Variants in MCTP1 observed in about 807,000 individuals in gnomAD.
The protein encoded by MCTP1 is multiple C2 and transmembrane domain-containing protein 1.
MCTP1 carries 69 observed loss-of-function variants against 120.6 expected under a neutral mutation model. That is an observed-to-expected ratio of 0.57 (90% CI 0.47 to 0.70). MCTP1 has a LOEUF of 0.70. MCTP1 is among the 30% of genes least tolerant of loss of function. The pLI is 0.00. For synonymous variants in MCTP1, 529 were observed against 493.1 expected (o/e 1.07, Z -0.96); for missense variants, 1,203 against 1,248.8 (o/e 0.96, Z 0.55).
At chr5:95,083,297 C>A (rs566949532) in intron 1 of MCTP1, among the ~76,000 whole-genome samples, 3 of 152,244 alleles carry the variant, frequency 2.0e-5, no homozygotes, top group Middle Eastern at 3.4e-3. Context: ...TAATGATCTT[C>A]CATGTATAAC....
intron 1 of MCTP1, among the ~76,000 whole-genome samples, chr5:95,271,361 G>T (rs748075939): frequency 2.0e-5 from 3 of 152,050 alleles, no homozygotes; most frequent in Non-Finnish European, 4.4e-5. Context: ...TCCTAATTCA[G>T]TTATTCACCA....
chr5:95,178,782 A>G (rs959025220), intron 1 of MCTP1, among the ~76,000 whole-genome samples: 8 of 152,158 alleles, frequency 5.3e-5, no homozygotes, highest in African/African-American at 1.9e-4. Flanking sequence ...TAACATCCCC[A>G]AAAGACCACA....
chr5:94,931,918 C>T (rs1267287574), intron 6 of MCTP1, 35 bp downstream of exon 6: 1 of 1,556,612 alleles, frequency 6.4e-7, no homozygotes, highest in South Asian at 1.1e-5. Context: ...TTCTGCTCAA[C>T]AAGAAAAGCT....
chr5:95,177,291 T>C (rs1323258472), intron 1 of MCTP1, among the ~76,000 whole-genome samples: 1 of 152,112 alleles, frequency 6.6e-6, no homozygotes, highest in Non-Finnish European at 1.5e-5. Context: ...GGCAGAGCTG[T>C]AGGGAAGACT....
chr5:94,919,611 C>T lies in MCTP1; in HGVS notation c.1273-1638G>A, dbSNP rs143444563. Among the ~76,000 whole-genome samples the T allele has an allele frequency of 2.0e-5, 3 of 152,306 alleles. No homozygotes were observed. In the East Asian group the frequency reaches 5.8e-4, roughly 29 times the overall value. ...AATCAGCTCTTTCTTCTATTTTCAGCACAGGGTGCATGTGCTTTTATTTAA... is the reference window on the plus strand; with the variant it reads ...AATCAGCTCTTTCTTCTATTTTCAGTACAGGGTGCATGTGCTTTTATTTAA... On this transcript the variant is annotated intron_variant, in intron 7 of 22. Transcript: ENST00000515393.
At chr5:94,721,355 A>G (rs1185657395) in intron 19 of MCTP1, among the ~76,000 whole-genome samples, 1 of 152,218 alleles carries the variant, frequency 6.6e-6, no homozygotes, top group Non-Finnish European at 1.5e-5. Context: ...AATTTTTAAT[A>G]GCCACTTTAA....
intron 1 of MCTP1, among the ~76,000 whole-genome samples, chr5:95,254,505 G>C (rs570124731): frequency 2.0e-5 from 3 of 152,022 alleles, no homozygotes; most frequent in African/African-American, 7.2e-5. Flanking sequence ...AGTTAATAAG[G>C]CATTCCGTCT....
At chr5:95,076,529 T>A (rs942400736) in intron 1 of MCTP1, among the ~76,000 whole-genome samples, 1 of 151,984 alleles carries the variant, frequency 6.6e-6, no homozygotes, top group Non-Finnish European at 1.5e-5. Context: ...GAGTCCTTCA[T>A]TGACGAATGT....
chr5:95,110,237 C>G (rs142404103), intron 1 of MCTP1, among the ~76,000 whole-genome samples: 44 of 151,742 alleles, frequency 2.9e-4, no homozygotes, highest in African/African-American at 9.9e-4. Flanking sequence ...ACCTACTTAC[C>G]CACTCTTTTT....
At chr5:95,015,870 G>C (rs1267166948) in intron 2 of MCTP1, among the ~76,000 whole-genome samples, 1 of 151,964 alleles carries the variant, frequency 6.6e-6, no homozygotes, top group Non-Finnish European at 1.5e-5. Context: ...TCAAATTGCT[G>C]GGGGCATATG....
At chr5:95,174,903 A>G (rs972143056) in intron 1 of MCTP1, among the ~76,000 whole-genome samples, 2 of 152,198 alleles carry the variant, frequency 1.3e-5, no homozygotes, top group African/African-American at 4.8e-5. Context: ...TTCTTCTTAC[A>G]TAATGTTAGC....
chr5:95,249,890 A>G (rs1396547330), intron 1 of MCTP1, among the ~76,000 whole-genome samples: 1 of 152,200 alleles, frequency 6.6e-6, no homozygotes, highest in East Asian at 1.9e-4. Flanking sequence ...CATCAATCTA[A>G]GCAAACTATC....
intron 1 of MCTP1, among the ~76,000 whole-genome samples, chr5:95,239,774 T>C (rs1029159152): frequency 5.3e-5 from 8 of 152,206 alleles, no homozygotes; most frequent in African/African-American, 1.9e-4. Flanking sequence ...TTTTGATAGT[T>C]GATTAGGACA....
At chr5:95,167,868 T>C (rs1746636885) in intron 1 of MCTP1, among the ~76,000 whole-genome samples, 2 of 152,238 alleles carry the variant, frequency 1.3e-5, no homozygotes, top group African/African-American at 4.8e-5. Context: ...CTGATGGTAG[T>C]TTCTTTTGCT....
intron 1 of MCTP1, among the ~76,000 whole-genome samples, chr5:95,241,899 C>G (rs192543816): frequency 6.6e-6 from 1 of 151,732 alleles, no homozygotes; most frequent in South Asian, 2.1e-4. Context: ...AAGTTACATG[C>G]TTTCCAAAAA....
chr5:94,894,632 G>A lies in MCTP1; in HGVS notation c.1839+17C>T. 8 of 1,536,370 alleles carry A rather than the reference G, an allele frequency of 5.2e-6. No homozygotes were observed. Among genetic ancestry groups the A allele is most frequent in the African/African-American group, 2.7e-5 (2 of 73,932 alleles). ...TAGTCACATGTGTCTCTGGAAGGAG[G>A]AGGGTTACATACGTACATATCTCTT... is the stretch of plus-strand genomic sequence containing the variant. On this transcript the variant is annotated intron_variant, in intron 11 of 22. Transcript: ENST00000515393.
chr5:94,852,291 A>C (rs1017067448), intron 17 of MCTP1, among the ~76,000 whole-genome samples: 13 of 151,880 alleles, frequency 8.6e-5, no homozygotes, highest in Non-Finnish European at 1.3e-4. Flanking sequence ...AAATGTTTAG[A>C]GTGTGTGAGA....
At chr5:95,238,293 T>C (rs1342429990) in intron 1 of MCTP1, among the ~76,000 whole-genome samples, 1 of 152,174 alleles carries the variant, frequency 6.6e-6, no homozygotes, top group South Asian at 2.1e-4. Flanking sequence ...TTATTATTAA[T>C]CATTAAATAC....
intron 5 of MCTP1, among the ~76,000 whole-genome samples, chr5:94,932,861 T>G (rs13166515): frequency 0.14 from 21,248 of 151,878 alleles, 1,605 homozygotes; most frequent in African/African-American, 0.17. Context: ...ATCAGGGAAA[T>G]GTACTTTAAG....
Sources: allele counts gnomAD v4.1 joint callset (sites outside exome capture counted in the v4.1 genomes callset), GRCh38; gene constraint gnomAD v4.1.1; transcripts MANE v1.5; gene names NCBI Gene and HGNC (gene_info 2026-07-23, HGNC 2026-07-21).